TMEM74: variants seen among roughly 807,000 people sequenced by gnomAD.
TMEM74 encodes transmembrane protein 74.
Under a neutral mutation model 18.1 loss-of-function variants are expected in TMEM74, and 13 were observed. The observed-to-expected ratio is 0.72, with a 90% CI of 0.47 to 1.14. The LOEUF (loss-of-function observed/expected upper bound fraction) is 1.14, where lower values mean the gene tolerates loss of function less well. Among genes scored for constraint, TMEM74 ranks in the 50% most tolerant of loss-of-function variants. The pLI is 0.00. For synonymous variants in TMEM74, 159 were observed against 146.6 expected (o/e 1.08, Z -0.61); for missense variants, 372 against 375.9 (o/e 0.99, Z 0.09).
chr8:108,749,889 A>G (rs1813887610), intron 1 of TMEM74, among the ~76,000 whole-genome samples: 1 of 152,092 alleles, frequency 6.6e-6, no homozygotes, highest in Non-Finnish European at 1.5e-5. Context: ...CTGGCCTTGC[A>G]AGATGATGTC....
rs992394423 is a variant in TMEM74, at chr8:108,742,231, C to T, written n.119+45245G>A. Among the ~76,000 whole-genome samples, 34 of 152,116 alleles carry T rather than the reference C, an allele frequency of 2.2e-4. No individual in the cohort carries two copies. In the South Asian group the frequency reaches 3.7e-3, roughly 17 times the overall value. On this transcript the variant is annotated intron_variant and non_coding_transcript_variant, in intron 1 of 3. Coordinates refer to the TMEM74 transcript ENST00000518838. Reference sequence around the variant, plus strand: ...CTGGGTAATAAGATAATCTGTACAACGAACGCCTGTGACATGAGTTTACTT... The same window carrying T: ...CTGGGTAATAAGATAATCTGTACAATGAACGCCTGTGACATGAGTTTACTT...
chr8:108,748,046 T>C (rs567627088), intron 1 of TMEM74, among the ~76,000 whole-genome samples: 1 of 152,250 alleles, frequency 6.6e-6, no homozygotes, highest in African/African-American at 2.4e-5. Context: ...GTCTTTATAG[T>C]AGAAGAATGT....
At chr8:108,608,434 C>A (rs1284766238) in intron 3 of TMEM74, among the ~76,000 whole-genome samples, 1 of 152,106 alleles carries the variant, frequency 6.6e-6, no homozygotes, top group Admixed American at 6.5e-5. Context: ...GGTCAGTACT[C>A]AGATCAGTAA....
chr8:108,715,650 C>T (rs562847637), intron 1 of TMEM74, among the ~76,000 whole-genome samples: 7 of 151,738 alleles, frequency 4.6e-5, no homozygotes, highest in Admixed American at 6.6e-5. Flanking sequence ...CATTAAAAAG[C>T]GAATGCACAC....
chr8:108,748,352 A>G (rs74429317), intron 1 of TMEM74, among the ~76,000 whole-genome samples: 19 of 152,208 alleles, frequency 1.2e-4, no homozygotes, highest in African/African-American at 4.1e-4. Flanking sequence ...TGTTGGCCAC[A>G]TATATGTCTT....
intron 2 of TMEM74, among the ~76,000 whole-genome samples, chr8:108,625,325 A>G (rs1418235797): frequency 1.3e-5 from 2 of 152,070 alleles, no homozygotes; most frequent in Non-Finnish European, 2.9e-5. Flanking sequence ...AACTTTTCCT[A>G]TGTTCATACC....
At chr8:108,624,482 T>C (rs1315692043) in intron 2 of TMEM74, among the ~76,000 whole-genome samples, 1 of 152,102 alleles carries the variant, frequency 6.6e-6, no homozygotes, top group East Asian at 1.9e-4. Flanking sequence ...AGAAAGTGAT[T>C]ACTTCTTCCT....
chr8:108,670,034 T>TAAAAAAAAAA (rs1563745188), intron 1 of TMEM74, among the ~76,000 whole-genome samples: 2 of 113,942 alleles, frequency 1.8e-5, no homozygotes, highest in Non-Finnish European at 3.5e-5. Context: ...TAAGATTCTG[T>TAAAAAAAAAA]GAAAAAAAAA....
chr8:108,627,634 C>G (rs983967604), intron 2 of TMEM74, among the ~76,000 whole-genome samples: 12 of 151,908 alleles, frequency 7.9e-5, no homozygotes, highest in African/African-American at 2.9e-4. Context: ...AGGGGAGGAA[C>G]CTTTTGCAAT....
chr8:108,607,140 T>C (rs1362826022), exon 4 of TMEM74: 1 of 152,192 alleles, frequency 6.6e-6, no homozygotes, highest in Non-Finnish European at 1.5e-5. Flanking sequence ...TTCAACCCTG[T>C]GCTTTATTGG....
chr8:108,766,165 T>A (rs1361029806), intron 1 of TMEM74, among the ~76,000 whole-genome samples: 2 of 152,086 alleles, frequency 1.3e-5, no homozygotes, highest in Admixed American at 1.3e-4. Context: ...GGGATAACTT[T>A]ATTATTATAT....
intron 1 of TMEM74, among the ~76,000 whole-genome samples, chr8:108,711,181 A>G (rs184738621): frequency 1.3e-5 from 2 of 152,296 alleles, no homozygotes; most frequent in East Asian, 1.9e-4. Context: ...CCTCATTTCT[A>G]CATATAAGAA....
chr8:108,684,715 G>T (rs1315880412), intron 1 of TMEM74, among the ~76,000 whole-genome samples: 2 of 149,614 alleles, frequency 1.3e-5, no homozygotes, highest in Non-Finnish European at 3.0e-5. Context: ...TATCATTTTG[G>T]GTCTTATATT....
intron 2 of TMEM74, among the ~76,000 whole-genome samples, chr8:108,644,880 G>T (rs146364747): frequency 3.5e-3 from 540 of 152,206 alleles, no homozygotes; most frequent in Admixed American, 0.011. Context: ...CAGAAAAAAG[G>T]GCATGCTTAC....
At chr8:108,646,067 A>G (rs1812714034) in intron 2 of TMEM74, among the ~76,000 whole-genome samples, 1 of 151,770 alleles carries the variant, frequency 6.6e-6, no homozygotes, top group South Asian at 2.1e-4. Context: ...CACTTGATAT[A>G]TATTGTTCAC....
intron 1 of TMEM74, among the ~76,000 whole-genome samples, chr8:108,716,458 A>T (rs1308492305): frequency 6.6e-6 from 1 of 152,068 alleles, no homozygotes; most frequent in Non-Finnish European, 1.5e-5. Context: ...CTCTGTTCTG[A>T]CTCTGAGTCA....
At chr8:108,645,742 A>G (rs186534907) in intron 2 of TMEM74, among the ~76,000 whole-genome samples, 1 of 152,256 alleles carries the variant, frequency 6.6e-6, no homozygotes, top group Non-Finnish European at 1.5e-5. Flanking sequence ...TACAGGAGCC[A>G]CACAAGTTGT....
At chr8:108,769,048 A>G (rs941198707) in intron 1 of TMEM74, among the ~76,000 whole-genome samples, 5 of 152,034 alleles carry the variant, frequency 3.3e-5, no homozygotes, top group African/African-American at 1.2e-4. Context: ...CACGCCTATA[A>G]TCCTAGCACT....
chr8:108,641,419 C>T (rs1229017222), intron 2 of TMEM74, among the ~76,000 whole-genome samples: 1 of 152,138 alleles, frequency 6.6e-6, no homozygotes, highest in Non-Finnish European at 1.5e-5. Flanking sequence ...ATGCCACTGC[C>T]ACGGCCCAAA....
Sources: gnomAD v4.1 joint callset for allele counts (sites outside exome capture counted in the v4.1 genomes callset) on GRCh38, gnomAD v4.1.1 for gene constraint, MANE v1.5 for transcripts, NCBI Gene and HGNC (gene_info 2026-07-23, HGNC 2026-07-21) for gene names.